WDFY2: variants seen among roughly 807,000 people sequenced by gnomAD.
WDFY2 encodes the protein WD repeat and FYVE domain-containing protein 2.
In WDFY2, 36 loss-of-function variants were observed where a neutral mutation model predicts 56.4. That is an observed-to-expected ratio of 0.64 (90% CI 0.49 to 0.84). The LOEUF (loss-of-function observed/expected upper bound fraction) is 0.84, where lower values mean the gene tolerates loss of function less well. WDFY2 is among the 40% of genes least tolerant of loss of function. The pLI is 0.00. For synonymous variants in WDFY2, 176 were observed against 183.7 expected, an observed-to-expected ratio of 0.96 and a Z score of 0.34; for missense variants, 444 against 512.2, an observed-to-expected ratio of 0.87 and a Z score of 1.29.
chr13:51,712,006 C>T (rs1952230029), intron 4 of WDFY2, among the ~76,000 whole-genome samples: 1 of 152,124 alleles, frequency 6.6e-6, no homozygotes, highest in Non-Finnish European at 1.5e-5. Context: ...TTTATTGTGG[C>T]ACTATTCACA....
chr13:51,673,657 C>CATAATCCCA (rs1955840682), intron 2 of WDFY2, among the ~76,000 whole-genome samples: 1 of 152,000 alleles, frequency 6.6e-6, no homozygotes, highest in Non-Finnish European at 1.5e-5. Context: ...ATTCTGCACA[C>CATAATCCCA]ATGTTATGGG....
At chr13:51,718,228 C>T (rs1381645734) in intron 4 of WDFY2, among the ~76,000 whole-genome samples, 2 of 152,132 alleles carry the variant, frequency 1.3e-5, no homozygotes, top group South Asian at 2.1e-4. Context: ...GAGCAGGGCC[C>T]AGTGAGATCT....
chr13:51,675,950 G>A (rs946116718), intron 3 of WDFY2, among the ~76,000 whole-genome samples: 1 of 152,144 alleles, frequency 6.6e-6, no homozygotes, highest in African/African-American at 2.4e-5. Flanking sequence ...TCTCCATTTG[G>A]TAAATTATCC....
At chr13:51,670,325 G>C (rs1955783765) in intron 2 of WDFY2, among the ~76,000 whole-genome samples, 1 of 152,060 alleles carries the variant, frequency 6.6e-6, no homozygotes, top group Admixed American at 6.5e-5. Flanking sequence ...TAAAAGAAAA[G>C]GAAGACTTTA....
At chr13:51,613,823 A>G (rs1008509523) in intron 1 of WDFY2, among the ~76,000 whole-genome samples, 11 of 152,106 alleles carry the variant, frequency 7.2e-5, no homozygotes, top group African/African-American at 4.8e-5. Context: ...ACTTCTCCTT[A>G]AGGGTGTTCT....
intron 1 of WDFY2, among the ~76,000 whole-genome samples, chr13:51,647,389 G>A (rs1955282178): frequency 6.6e-6 from 1 of 152,110 alleles, no homozygotes; most frequent in South Asian, 2.1e-4. Flanking sequence ...GAATAATGTA[G>A]GCAACTGTAA....
intron 1 of WDFY2, among the ~76,000 whole-genome samples, chr13:51,638,959 C>T (rs1455806937): frequency 6.6e-6 from 1 of 152,140 alleles, no homozygotes; most frequent in African/African-American, 2.4e-5. Context: ...ACAGCTATTG[C>T]TTTTACCCCA....
chr13:51,590,729 G>C (rs1189575851), intron 1 of WDFY2: 1 of 151,548 alleles, frequency 6.6e-6, no homozygotes, highest in South Asian at 2.1e-4. Flanking sequence ...CCCAAGGAGA[G>C]TGTTACAATT....
chr13:51,649,602 C>G (rs565327252), intron 1 of WDFY2, among the ~76,000 whole-genome samples: 2 of 129,850 alleles, frequency 1.5e-5, no homozygotes, highest in African/African-American at 5.8e-5. Flanking sequence ...TAGGCCCCAG[C>G]CCTGGTGTGT....
At chr13:51,745,749 A>C (rs1953081349) in intron 7 of WDFY2, among the ~76,000 whole-genome samples, 1 of 146,242 alleles carries the variant, frequency 6.8e-6, no homozygotes, top group African/African-American at 2.6e-5. Flanking sequence ...AAAAAAAAAA[A>C]AAAAAAAAAA....
chr13:51,752,165 T>C (rs1031021261), intron 8 of WDFY2, among the ~76,000 whole-genome samples: 2 of 152,216 alleles, frequency 1.3e-5, no homozygotes, highest in East Asian at 3.8e-4. Flanking sequence ...GTTCTTTCTG[T>C]GCCCTCACCC....
In WDFY2 at chr13:51,756,715, T is replaced by C. The variant is rs147096285; in HGVS notation, c.1064+253T>C. ...ATTTCTAGGTTATGTGCCTTTAAAT[T>C]AGCTGCTCCCAGAACAAACCCTTCT... On this transcript the variant is annotated intron_variant, in intron 10 of 11. Transcript: ENST00000298125. 2.6e-4 allele frequency: 232 copies of C among 900,286 alleles called. No individual in the cohort carries two copies. In the African/African-American group the frequency reaches 3.9e-3, roughly 15 times the overall value. 55.8% of individuals were successfully genotyped at this position (900,286 alleles called of 1,614,324 possible).
chr13:51,714,493 A>G (rs1442477224), intron 4 of WDFY2, among the ~76,000 whole-genome samples: 1 of 152,042 alleles, frequency 6.6e-6, no homozygotes, highest in African/African-American at 2.4e-5. Context: ...GGGTTTCACC[A>G]TGTTGGCCAG....
chr13:51,660,299 T>C (rs922215783), intron 1 of WDFY2, among the ~76,000 whole-genome samples: 1 of 151,820 alleles, frequency 6.6e-6, no homozygotes, highest in African/African-American at 2.4e-5. Context: ...GGTGTTCAAG[T>C]GATTCTCCTG....
chr13:51,676,099 C>G (rs1427277968), intron 3 of WDFY2, among the ~76,000 whole-genome samples: 1 of 152,166 alleles, frequency 6.6e-6, no homozygotes, highest in Admixed American at 6.6e-5. Context: ...CAAGTCCTCC[C>G]TCTCTCCCAC....
chr13:51,693,172 GT>G (rs1417580207), intron 3 of WDFY2, among the ~76,000 whole-genome samples: 1 of 152,036 alleles, frequency 6.6e-6, no homozygotes, highest in Admixed American at 6.5e-5. Context: ...TTTTTTGAAG[GT>G]TTTTTTGTGT....
chr13:51,667,995 C>T (rs957856335), intron 2 of WDFY2, among the ~76,000 whole-genome samples: 17 of 148,494 alleles, frequency 1.1e-4, no homozygotes, highest in Non-Finnish European at 1.8e-4. Context: ...GGGTTCACGC[C>T]GTTCTCCTGC....
chr13:51,719,349 G>A lies in WDFY2; in HGVS notation c.485+1G>A. On this transcript the variant is annotated splice_donor_variant, in intron 5 of 11. Coordinates refer to ENST00000298125, the MANE Select transcript of WDFY2 (RefSeq NM_052950.4). LOFTEE classifies it high-confidence loss of function. ...CCAGTGCTGTGGCCTCAGGCCTGCA[G>A]TATCCTTTGCTGGACAAAAATCTCT... 1.3e-6 allele frequency: 2 copies of A among 1,563,520 alleles called. No individual in the cohort carries two copies. Among genetic ancestry groups the A allele is most frequent in the Non-Finnish European group, 1.7e-6 (2 of 1,157,438 alleles).
chr13:51,704,353 A>G (rs915399644), intron 4 of WDFY2, among the ~76,000 whole-genome samples: 1 of 152,228 alleles, frequency 6.6e-6, no homozygotes, highest in African/African-American at 2.4e-5. Flanking sequence ...CATATCATTC[A>G]TCAAATATTT....
Sources: gnomAD v4.1 joint callset for allele counts (sites outside exome capture counted in the v4.1 genomes callset) on GRCh38, gnomAD v4.1.1 for gene constraint, MANE v1.5 for transcripts, NCBI Gene and HGNC (gene_info 2026-07-23, HGNC 2026-07-21) for gene names.